ALG6: variants seen among roughly 807,000 people sequenced by gnomAD.
ALG6 encodes dolichyl pyrophosphate Man9GlcNAc2 alpha-1,3-glucosyltransferase.
In ALG6, 46 loss-of-function variants were observed where a neutral mutation model predicts 66.6. The ratio of observed to expected loss-of-function variants is 0.69; its 90% confidence interval spans 0.55 to 0.88. The LOEUF (loss-of-function observed/expected upper bound fraction) is 0.88. Among genes scored for constraint, ALG6 ranks in the 40% least tolerant of loss-of-function variants. ALG6 has a pLI of 0.00. For missense variants in ALG6, 505 were observed against 586.8 expected, an observed-to-expected ratio of 0.86 and a Z score of 1.44; for synonymous variants, 185 against 203.7, an observed-to-expected ratio of 0.91 and a Z score of 0.78.
chr1:63,399,797 A>ATT (rs921189437), intron 3 of ALG6, among the ~76,000 whole-genome samples: 11 of 149,578 alleles, frequency 7.4e-5, no homozygotes, highest in African/African-American at 2.4e-4. Flanking sequence ...TGTGGCAGCC[A>ATT]TTTTTTTTTT....
In ALG6 at chr1:63,370,962, C is replaced by T. The variant is rs759962410; in HGVS notation, c.-16C>T. ...CTGGTGCTGTGTTTTCTTCCCCTCC[C>T]TAAATTTGAAGAACTATGGAGAAAT... On this transcript the variant is annotated 5_prime_UTR_variant, in exon 2 of 15. Coordinates refer to ENST00000263440, the MANE Select transcript of ALG6 (RefSeq NM_013339.4). 2 of 1,561,670 alleles carry T rather than the reference C, an allele frequency of 1.3e-6. No individual in the cohort carries two copies. Among genetic ancestry groups the T allele is most frequent in the East Asian group, 4.5e-5 (2 of 44,580 alleles).
intron 1 of ALG6, among the ~76,000 whole-genome samples, chr1:63,368,546 G>A (rs2100375046): frequency 6.6e-6 from 1 of 151,902 alleles, no homozygotes; most frequent in Middle Eastern, 3.4e-3. Context: ...TGTCGCCCAG[G>A]CTGGAGTGCA....
At chr1:63,402,459 T>C in intron 4 of ALG6, 116 bp downstream of exon 4, 2 of 511,700 alleles carry the variant, frequency 3.9e-6, no homozygotes, top group Non-Finnish European at 6.7e-6. Flanking sequence ...GCTGCTATTG[T>C]ATTTTTTTTT....
At chr1:63,380,581 A>T (rs1648271005) in intron 2 of ALG6, among the ~76,000 whole-genome samples, 1 of 152,068 alleles carries the variant, frequency 6.6e-6, no homozygotes, top group Non-Finnish European at 1.5e-5. Flanking sequence ...CACATATATT[A>T]TTTTCTCGTT....
chr1:63,415,049 T>C (rs1456231343), intron 10 of ALG6, among the ~76,000 whole-genome samples: 2 of 152,186 alleles, frequency 1.3e-5, no homozygotes, highest in African/African-American at 4.8e-5. Context: ...CACAGCAGAT[T>C]AGTGTTCAAA....
chr1:63,430,947 G>A (rs1644642381), intron 14 of ALG6, among the ~76,000 whole-genome samples: 1 of 152,074 alleles, frequency 6.6e-6, no homozygotes, highest in Non-Finnish European at 1.5e-5. Context: ...TCATATCTAA[G>A]AAACCATTGT....
intron 2 of ALG6, among the ~76,000 whole-genome samples, chr1:63,381,957 C>A (rs954826848): frequency 1.3e-5 from 2 of 152,116 alleles, no homozygotes; most frequent in Non-Finnish European, 2.9e-5. Flanking sequence ...GGCACTGTAA[C>A]CTTGGGCTCC....
In ALG6 at chr1:63,371,078, T is replaced by C. The variant is rs376116153; in HGVS notation, c.82+19T>C. 39 of 1,568,232 alleles carry C rather than the reference T, an allele frequency of 2.5e-5. No homozygotes were observed. The highest frequency in any genetic ancestry group is 1.7e-4 in the Middle Eastern group (1 of 5,994). ...TATTCAGGTAATACATTTTTACTGG[T>C]TAAAAAAAAAACGAAATTTTCCTTT... On this transcript the variant is annotated intron_variant, in intron 2 of 14. Transcript: ENST00000263440.
At chr1:63,382,669 T>TTTTTTTTTTG (rs1648363615) in intron 2 of ALG6, among the ~76,000 whole-genome samples, 1 of 110,548 alleles carries the variant, frequency 9.0e-6, no homozygotes, top group African/African-American at 3.5e-5. Context: ...TTTTTTGTTT[T>TTTTTTTTTTG]TTTTTTTTTG....
At chr1:63,369,279 G>A (rs2100376117) in intron 1 of ALG6, among the ~76,000 whole-genome samples, 1 of 152,324 alleles carries the variant, frequency 6.6e-6, no homozygotes, top group Non-Finnish European at 1.5e-5. Context: ...AATGACAAAA[G>A]ATTAGCCATT....
chr1:63,423,854 C>A (rs1408198257), intron 12 of ALG6, among the ~76,000 whole-genome samples: 1 of 152,198 alleles, frequency 6.6e-6, no homozygotes, highest in African/African-American at 2.4e-5. Flanking sequence ...TGCTGAGTCA[C>A]ATGGCAATTC....
chr1:63,372,241 A>G (rs527666629), intron 2 of ALG6, among the ~76,000 whole-genome samples: 2 of 152,314 alleles, frequency 1.3e-5, no homozygotes, highest in South Asian at 4.1e-4. Context: ...TAGCTGGGCA[A>G]ATTATTTCGT....
intron 12 of ALG6, among the ~76,000 whole-genome samples, chr1:63,426,689 G>A (rs1296412524): frequency 5.3e-5 from 8 of 151,946 alleles, no homozygotes; most frequent in Non-Finnish European, 1.0e-4. Context: ...TACCCCAGGC[G>A]TGCGTCACCA....
intron 2 of ALG6, among the ~76,000 whole-genome samples, chr1:63,393,444 T>C (rs1648730008): frequency 6.6e-6 from 1 of 152,198 alleles, no homozygotes; most frequent in South Asian, 2.1e-4. Context: ...AGTTAAGAAA[T>C]AGTATAGTCA....
At chr1:63,384,232 C>T (rs1648430104) in intron 2 of ALG6, among the ~76,000 whole-genome samples, 1 of 152,176 alleles carries the variant, frequency 6.6e-6, no homozygotes, top group Non-Finnish European at 1.5e-5. Context: ...TTGCATTTCT[C>T]TGATCATCAG....
intron 2 of ALG6, among the ~76,000 whole-genome samples, chr1:63,379,569 A>G (rs1442459088): frequency 6.6e-6 from 1 of 152,014 alleles, no homozygotes; most frequent in African/African-American, 2.4e-5. Context: ...TAGCCAGGCT[A>G]TTGACCACCA....
At position 63,402,105 on chromosome 1, in the gene ALG6, G is replaced by A. The variant is rs183309232; in HGVS notation, c.168-149G>A. ...TTTGCCTAGGAGAGTCCTGGTTTGT[G>A]TCTATTGACATGGCTTAATTATTAA... On this transcript the variant is annotated intron_variant, in intron 3 of 14. Coordinates refer to ENST00000263440, the MANE Select transcript of ALG6 (RefSeq NM_013339.4). 4 of 657,510 alleles carry A rather than the reference G, an allele frequency of 6.1e-6. No individual in the cohort carries two copies. In the Admixed American group the frequency reaches 6.9e-5, roughly 11 times the overall value. 40.7% of individuals were successfully genotyped at this position (657,510 alleles called of 1,614,324 possible). A position where few individuals can be genotyped will look rare whatever the true frequency, so the allele number is the denominator to read the frequency against.
chr1:63,384,788 G>T (rs1648447150), intron 2 of ALG6, among the ~76,000 whole-genome samples: 1 of 152,140 alleles, frequency 6.6e-6, no homozygotes, highest in Non-Finnish European at 1.5e-5. Flanking sequence ...GTTCACTGTA[G>T]ATGTGTGTAT....
chr1:63,412,658 A>C (rs1011153637), intron 9 of ALG6, among the ~76,000 whole-genome samples: 2 of 152,118 alleles, frequency 1.3e-5, no homozygotes, highest in Non-Finnish European at 2.9e-5. Context: ...ACCTTCATCC[A>C]TAGTAATTTT....
Sources: gnomAD v4.1 joint callset for allele counts (sites outside exome capture counted in the v4.1 genomes callset) on GRCh38, gnomAD v4.1.1 for gene constraint, MANE v1.5 for transcripts, NCBI Gene and HGNC (gene_info 2026-07-23, HGNC 2026-07-21) for gene names.